The following AGBL1 variants were observed in gnomAD, a reference collection of about 807,000 sequenced individuals.
AGBL1 encodes the protein AGBL carboxypeptidase 1.
AGBL1 carries 130 observed loss-of-function variants against 118.9 expected under a neutral mutation model. The ratio of observed to expected loss-of-function variants is 1.09; its 90% confidence interval spans 0.95 to 1.26. The LOEUF (loss-of-function observed/expected upper bound fraction) is 1.26, where lower values mean the gene tolerates loss of function less well. AGBL1 is among the 50% of genes most tolerant of loss of function. AGBL1 has a pLI of 0.00. For missense variants in AGBL1, 1,584 were observed against 1,298.1 expected (o/e 1.22, Z -3.38); for synonymous variants, 555 against 478.9 (o/e 1.16, Z -2.08).
At chr15:86,534,516 A>C (rs2142226738) in intron 19 of AGBL1, among the ~76,000 whole-genome samples, 1 of 152,268 alleles carries the variant, frequency 6.6e-6, no homozygotes, top group Admixed American at 6.5e-5. Flanking sequence ...TTCTCATTTG[A>C]TGGGTCGCAG....
intron 21 of AGBL1, among the ~76,000 whole-genome samples, chr15:86,590,006 T>C (rs2084310254): frequency 1.3e-5 from 2 of 152,140 alleles, no homozygotes; most frequent in Admixed American, 6.5e-5. Context: ...TGTTGAACAA[T>C]TAACTCACAA....
intron 18 of AGBL1, among the ~76,000 whole-genome samples, chr15:86,478,887 A>T (rs2082602851): frequency 6.6e-6 from 1 of 152,218 alleles, no homozygotes; most frequent in Non-Finnish European, 1.5e-5. Flanking sequence ...AAACAGAGAT[A>T]TAGACCAATG....
intron 21 of AGBL1, among the ~76,000 whole-genome samples, chr15:86,565,999 A>G (rs2083907812): frequency 6.6e-6 from 1 of 152,192 alleles, no homozygotes; most frequent in Non-Finnish European, 1.5e-5. Context: ...TTAGTGTGGG[A>G]GTGACCCAAT....
intron 20 of AGBL1, among the ~76,000 whole-genome samples, chr15:86,551,153 C>T (rs952838907): frequency 5.9e-5 from 9 of 151,940 alleles, no homozygotes; most frequent in African/African-American, 2.2e-4. Flanking sequence ...AGAATCTAAG[C>T]ATCCACATTC....
At chr15:86,241,531 A>T (rs561342062) in intron 6 of AGBL1, among the ~76,000 whole-genome samples, 112 of 152,080 alleles carry the variant, frequency 7.4e-4, no homozygotes, top group African/African-American at 2.6e-3. Flanking sequence ...TTTTTCTCAC[A>T]GTTCTGGAGG....
intron 17 of AGBL1, among the ~76,000 whole-genome samples, chr15:86,315,642 C>T (rs927457489): frequency 2.0e-5 from 3 of 149,816 alleles, no homozygotes; most frequent in Non-Finnish European, 4.4e-5. Context: ...TACTTGAACC[C>T]GAGAGGCAGA....
chr15:86,543,849 C>T (rs762294143), intron 19 of AGBL1, among the ~76,000 whole-genome samples: 1 of 152,120 alleles, frequency 6.6e-6, no homozygotes, highest in Non-Finnish European at 1.5e-5. Flanking sequence ...ATGAGTGTTA[C>T]TGGGGATATT....
intron 5 of AGBL1, among the ~76,000 whole-genome samples, chr15:86,211,904 A>G (rs1419550819): frequency 6.6e-6 from 1 of 152,134 alleles, no homozygotes; most frequent in Non-Finnish European, 1.5e-5. Flanking sequence ...AAATGCAGAA[A>G]TCACCGTCTT....
chr15:86,381,412 T>A (rs575936022), intron 17 of AGBL1, among the ~76,000 whole-genome samples: 5 of 114,084 alleles, frequency 4.4e-5, no homozygotes, highest in Non-Finnish European at 6.9e-5. Context: ...GCTGATACAC[T>A]TTTTTTTTCA....
intron 18 of AGBL1, among the ~76,000 whole-genome samples, chr15:86,475,765 A>G (rs1288860201): frequency 6.6e-6 from 1 of 152,212 alleles, no homozygotes; most frequent in African/African-American, 2.4e-5. Context: ...TTCAAGACAC[A>G]TAATTGTCAG....
At chr15:86,331,049 C>G (rs1002419707) in intron 17 of AGBL1, among the ~76,000 whole-genome samples, 2 of 151,886 alleles carry the variant, frequency 1.3e-5, no homozygotes, top group Non-Finnish European at 2.9e-5. Flanking sequence ...CATGGTGAAA[C>G]CCTGTCTCTA....
At chr15:86,673,747 A>T (rs1053768964) in intron 21 of AGBL1, among the ~76,000 whole-genome samples, 2 of 152,198 alleles carry the variant, frequency 1.3e-5, no homozygotes, top group African/African-American at 4.8e-5. Flanking sequence ...TTTCATGCAT[A>T]TATGAGTACA....
chr15:86,694,590 T>A (rs1272731039), intron 22 of AGBL1, among the ~76,000 whole-genome samples: 1 of 152,070 alleles, frequency 6.6e-6, no homozygotes, highest in East Asian at 1.9e-4. Flanking sequence ...CATTTATTTC[T>A]TTCTCTTGTC....
At chr15:86,214,044 T>G (rs760183187) in intron 5 of AGBL1, among the ~76,000 whole-genome samples, 22 of 152,220 alleles carry the variant, frequency 1.4e-4, no homozygotes, top group Non-Finnish European at 1.0e-4. Context: ...AATGACAACG[T>G]TTTGAAATGC....
intron 18 of AGBL1, among the ~76,000 whole-genome samples, chr15:86,461,598 T>A (rs531119330): frequency 1.3e-5 from 2 of 152,294 alleles, no homozygotes; most frequent in African/African-American, 4.8e-5. Flanking sequence ...AACACAATTT[T>A]AAAAATATAT....
At chr15:86,265,706 T>C in intron 11 of AGBL1, among the ~76,000 whole-genome samples, 1 of 152,224 alleles carries the variant, frequency 6.6e-6, no homozygotes, top group Non-Finnish European at 1.5e-5. Context: ...AGGGCTGTTC[T>C]AGCACCATGT....
At chr15:86,460,820 C>T (rs574092086) in intron 18 of AGBL1, among the ~76,000 whole-genome samples, 1 of 152,274 alleles carries the variant, frequency 6.6e-6, no homozygotes, top group South Asian at 2.1e-4. Context: ...CCTCATACAT[C>T]CTTTCCTGGG....
chr15:86,397,550 T>C lies in AGBL1; in HGVS notation c.2555+4T>C, dbSNP rs1418650146. On this transcript the variant is annotated splice_donor_region_variant and intron_variant, in intron 18 of 22. Transcript: ENST00000614907. Reference sequence around the variant, plus strand: ...CAGATGGTGTCATCAACGGCAAGTATGTCAGGCACCTGGCTCAGCCAAACC... The same window carrying C: ...CAGATGGTGTCATCAACGGCAAGTACGTCAGGCACCTGGCTCAGCCAAACC... The C allele has an allele frequency of 6.2e-7, 1 of 1,600,654 alleles. No homozygotes were observed. Among genetic ancestry groups the C allele is most frequent in the African/African-American group, 1.3e-5 (1 of 74,776 alleles).
At chr15:86,111,943 C>T (rs2141543256) in intron 1 of AGBL1, among the ~76,000 whole-genome samples, 1 of 152,268 alleles carries the variant, frequency 6.6e-6, no homozygotes, top group Middle Eastern at 3.4e-3. Context: ...GGAGCACGAG[C>T]CCTGTCGTGA....
Sources: allele counts gnomAD v4.1 joint callset (sites outside exome capture counted in the v4.1 genomes callset), GRCh38; gene constraint gnomAD v4.1.1; transcripts MANE v1.5; gene names NCBI Gene and HGNC (gene_info 2026-07-23, HGNC 2026-07-21).